Variants in GMDS observed in about 807,000 individuals in gnomAD.
GMDS encodes the protein GDP-mannose 4,6 dehydratase.
In GMDS, 20 loss-of-function variants were observed where a neutral mutation model predicts 49.9. That is an observed-to-expected ratio of 0.40 (90% CI 0.28 to 0.58). The LOEUF (loss-of-function observed/expected upper bound fraction) is 0.58, where lower values mean the gene tolerates loss of function less well. GMDS is among the 20% of genes least tolerant of loss of function. The pLI, the probability that GMDS is intolerant of heterozygous loss-of-function variation, is 0.42. For synonymous variants in GMDS, 177 were observed against 178.6 expected (o/e 0.99, Z 0.07); for missense variants, 362 against 481.4 (o/e 0.75, Z 2.32).
intron 9 of GMDS, chr6:1,625,565 C>A (rs1337707589): frequency 6.6e-6 from 1 of 152,234 alleles, no homozygotes; most frequent in African/African-American, 2.4e-5. Flanking sequence ...TAAAAGAAAA[C>A]CAGCGGAGAA....
intron 1 of GMDS, among the ~76,000 whole-genome samples, chr6:2,241,895 C>T (rs1156976419): frequency 2.0e-5 from 3 of 152,116 alleles, no homozygotes; most frequent in African/African-American, 7.2e-5. Context: ...GCAGCAGCAC[C>T]AAAACAAGCC....
chr6:1,899,294 GTTT>G (rs565806414), intron 7 of GMDS, among the ~76,000 whole-genome samples: 3 of 144,606 alleles, frequency 2.1e-5, no homozygotes, highest in African/African-American at 5.0e-5. Flanking sequence ...TTTGATTTGT[GTTT>G]TTTTTTTTTC....
rs149142086 is a variant in GMDS at position 1,841,742 on chromosome 6, C to T, written c.771+88361G>A. Among the ~76,000 whole-genome samples the T allele has an allele frequency of 1.1e-3, 160 of 152,214 alleles. 1 individual carries two copies. Among genetic ancestry groups the T allele is most frequent in the Non-Finnish European group, 2.0e-3 (137 of 68,006 alleles). ...CATGTGTATGTTTGTGATGTAGAGA[C>T]ACAGATAGGAAGGGAGGAAGAACCA... On this transcript the variant is annotated intron_variant, in intron 7 of 10. Transcript: ENST00000380815.
At chr6:1,913,388 C>CAA (rs56262461) in intron 7 of GMDS, among the ~76,000 whole-genome samples, 349 of 103,802 alleles carry the variant, frequency 3.4e-3, no homozygotes, top group Middle Eastern at 5.7e-3. Flanking sequence ...CTCAAACAAA[C>CAA]AAAAAAAAAA....
At position 1,682,639 on chromosome 6, in the gene GMDS, G is replaced by A; in HGVS notation, c.987+43777C>T. On this transcript the variant is annotated intron_variant, in intron 9 of 10. Coordinates refer to ENST00000380815, the MANE Select transcript of GMDS (RefSeq NM_001500.4). ...GGCTGGAGTGCAGTGGCGCAATCTC[G>A]GCTCACTGCAAGCTCCGCCTCCCGG... 7.8e-5 allele frequency among the ~76,000 whole-genome samples: 2 copies of A among 25,658 alleles called. 1 individual carries two copies. Among genetic ancestry groups the A allele is most frequent in the East Asian group, 1.3e-3 (2 of 1,534 alleles). 16.8% of individuals were successfully genotyped at this position (25,658 alleles called of 152,430 possible).
chr6:1,733,563 T>C (rs535362659), intron 8 of GMDS, among the ~76,000 whole-genome samples: 5 of 152,286 alleles, frequency 3.3e-5, no homozygotes, highest in Admixed American at 1.3e-4. Context: ...ATGCCTGTAA[T>C]CCCAGTACTT....
Position 1,635,224 on chromosome 6 carries a change from C to A in GMDS, c.988-10684G>T, listed in dbSNP as rs1392141226. Among the ~76,000 whole-genome samples, 27 of 152,210 alleles carry A rather than the reference C, an allele frequency of 1.8e-4. No individual in the cohort carries two copies. Among genetic ancestry groups the A allele is most frequent in the Admixed American group, 1.8e-3 (27 of 15,290 alleles). On this transcript the variant is annotated intron_variant, in intron 9 of 10. Transcript: ENST00000380815. This position sits in a 1 kb window ranked among gnomAD's most constrained non-coding sequence, Gnocchi z 4.7. ...TTGAGGCCAAAGCCTCTCTGCTGAG[C>A]AAGTCTGCTTAGCTCTGGGAAAGGG... is the stretch of plus-strand genomic sequence containing the variant.
intron 7 of GMDS, among the ~76,000 whole-genome samples, chr6:1,916,590 G>A (rs1761414804): frequency 1.3e-5 from 2 of 152,092 alleles, no homozygotes; most frequent in Non-Finnish European, 2.9e-5. Context: ...AGCCAATCGT[G>A]GCACAGTGAC....
intron 7 of GMDS, among the ~76,000 whole-genome samples, chr6:1,799,669 G>A (rs554031285): frequency 6.6e-6 from 1 of 152,212 alleles, no homozygotes; most frequent in South Asian, 2.1e-4. Flanking sequence ...GGGAGGGAGG[G>A]AGAATTAAAA....
At chr6:2,101,737 A>C (rs1047667766) in intron 4 of GMDS, among the ~76,000 whole-genome samples, 1 of 152,134 alleles carries the variant, frequency 6.6e-6, no homozygotes, top group Non-Finnish European at 1.5e-5. Context: ...ATATTACACA[A>C]ATTTTTCCAC....
At chr6:1,905,877 G>A (rs1418442090) in intron 7 of GMDS, among the ~76,000 whole-genome samples, 1 of 145,482 alleles carries the variant, frequency 6.9e-6, no homozygotes, top group Admixed American at 6.7e-5. Context: ...GTGCTGGCAT[G>A]TGACAATAAC....
At chr6:1,633,348 T>C (rs1292676418) in intron 9 of GMDS, among the ~76,000 whole-genome samples, 1 of 152,210 alleles carries the variant, frequency 6.6e-6, no homozygotes, top group Non-Finnish European at 1.5e-5. Context: ...TCTGCAAACA[T>C]TTCACAGTCT....
intron 4 of GMDS, among the ~76,000 whole-genome samples, chr6:2,063,396 C>G (rs985835138): frequency 6.6e-6 from 1 of 152,146 alleles, no homozygotes; most frequent in African/African-American, 2.4e-5. Flanking sequence ...CATGTCAAGA[C>G]ATTCTGTGTG....
intron 2 of GMDS, among the ~76,000 whole-genome samples, chr6:2,124,195 A>C (rs1408524570): frequency 6.6e-6 from 1 of 152,248 alleles, no homozygotes; most frequent in African/African-American, 2.4e-5. Context: ...AGACAACGAC[A>C]AAAGCAGCAA....
chr6:1,700,524 C>T (rs56042153), intron 9 of GMDS, among the ~76,000 whole-genome samples: 1 of 152,166 alleles, frequency 6.6e-6, no homozygotes, highest in African/African-American at 2.4e-5. Context: ...GCTCTACAGT[C>T]TTCTGGTTCC....
rs1459362661 is a variant in GMDS, at chr6:1,640,907, G to A, written c.988-16367C>T. 6.6e-6 allele frequency among the ~76,000 whole-genome samples: 1 copy of A among 152,222 alleles called. No individual in the cohort carries two copies. Among genetic ancestry groups the A allele is most frequent in the Non-Finnish European group, 1.5e-5 (1 of 68,036 alleles). Reference sequence around the variant, plus strand: ...CTGGGTAAAGCTTGAGGTGGAGGGAGCAGGCTGGGCTAGGGCCCTGAAGGG... The same window carrying A: ...CTGGGTAAAGCTTGAGGTGGAGGGAACAGGCTGGGCTAGGGCCCTGAAGGG... On this transcript the variant is annotated intron_variant, in intron 9 of 10. Transcript: ENST00000380815. This position sits in a 1 kb window ranked among gnomAD's most constrained non-coding sequence, Gnocchi z 4.0.
chr6:2,037,690 T>A (rs1769383046), intron 4 of GMDS, among the ~76,000 whole-genome samples: 1 of 152,190 alleles, frequency 6.6e-6, no homozygotes, highest in Non-Finnish European at 1.5e-5. Context: ...AGCGCCTGGA[T>A]GCTGTGAATA....
chr6:2,156,027 CT>C (rs1014950277), intron 1 of GMDS, among the ~76,000 whole-genome samples: 1 of 151,948 alleles, frequency 6.6e-6, no homozygotes, highest in Non-Finnish European at 1.5e-5. Context: ...ATTAGGGTTA[CT>C]TTTTTTAATG....
chr6:1,848,954 AGGATGTGTAGCAGCATAC>A (rs1757536663), intron 7 of GMDS, among the ~76,000 whole-genome samples: 1 of 152,126 alleles, frequency 6.6e-6, no homozygotes. Context: ...CTGTGACTGC[AGGATGTGTAGCAGCATAC>A]CTGGCCTCAA....
Sources: allele counts gnomAD v4.1 joint callset (sites outside exome capture counted in the v4.1 genomes callset), GRCh38; gene constraint gnomAD v4.1.1; non-coding constraint Gnocchi (gnomAD v3.1); transcripts MANE v1.5; gene names NCBI Gene and HGNC (gene_info 2026-07-23, HGNC 2026-07-21).